C3orf49: variants seen among roughly 807,000 people sequenced by gnomAD.
C3orf49 encodes the protein chromosome 3 open reading frame 49, also known as putative uncharacterized protein C3orf49.
In C3orf49, 27 loss-of-function variants were observed where a neutral mutation model predicts 13.3. That is an observed-to-expected ratio of 2.02 (90% confidence interval 1.49 to 2.79). The LOEUF (loss-of-function observed/expected upper bound fraction) is 2.79, where lower values mean the gene tolerates loss of function less well. C3orf49 is among the 30% of genes most tolerant of loss of function. C3orf49 has a pLI of 0.00. For missense variants in C3orf49, 242 were observed against 134.2 expected, an observed-to-expected ratio of 1.80 and a Z score of -3.97; for synonymous variants, 87 against 47.6, an observed-to-expected ratio of 1.83 and a Z score of -3.40.
intron 5 of C3orf49, among the ~76,000 whole-genome samples, chr3:63,835,826 T>C (rs1450427441): frequency 6.6e-6 from 1 of 152,092 alleles, no homozygotes; most frequent in Non-Finnish European, 1.5e-5. Flanking sequence ...TCATTCTTAT[T>C]CTTTTTTATG....
At chr3:63,808,962 T>C in the C3orf49 span, among the ~76,000 whole-genome samples, 1 of 151,810 alleles carries the variant, frequency 6.6e-6, no homozygotes, top group African/African-American at 2.4e-5. Flanking sequence ...AAAATTAATG[T>C]GCTTTTTTTT....
the C3orf49 span, chr3:63,782,958 A>T: frequency 6.6e-6 from 1 of 152,222 alleles, no homozygotes; most frequent in South Asian, 2.1e-4. Flanking sequence ...CAGTTAGATG[A>T]CTAATGGGAT....
chr3:63,782,807 A>G, the C3orf49 span: 1 of 152,222 alleles, frequency 6.6e-6, no homozygotes, highest in Non-Finnish European at 1.5e-5. Flanking sequence ...AATCCTTAGC[A>G]TGTTATAGCA....
At chr3:63,835,401 T>C in intron 5 of C3orf49, 1 of 1,612,536 alleles carries the variant, frequency 6.2e-7, no homozygotes, top group Middle Eastern at 1.7e-4. Flanking sequence ...CTGGAAATAA[T>C]AAAACAGTGT....
intron 5 of C3orf49, among the ~76,000 whole-genome samples, chr3:63,840,582 G>A (rs1276992251): frequency 2.0e-5 from 3 of 152,114 alleles, no homozygotes; most frequent in South Asian, 2.1e-4. Context: ...GCAACAAAGC[G>A]AGATGCTGTC....
the C3orf49 span, among the ~76,000 whole-genome samples, chr3:63,799,530 C>A: frequency 6.6e-6 from 1 of 152,118 alleles, no homozygotes; most frequent in South Asian, 2.1e-4. Flanking sequence ...TATTTTCTAT[C>A]AATTCATTAG....
At chr3:63,816,281 A>C (rs1701323726), upstream of C3orf49, among the ~76,000 whole-genome samples, 2 of 151,824 alleles carry the variant, frequency 1.3e-5, no homozygotes, top group African/African-American at 4.8e-5. Flanking sequence ...ACTGAATTCC[A>C]TTTCCCTGAA....
At chr3:63,838,047 C>T in intron 5 of C3orf49, 5 of 1,607,712 alleles carry the variant, frequency 3.1e-6, no homozygotes, top group Non-Finnish European at 4.2e-6. Flanking sequence ...TTCATGTGCT[C>T]CAGCTATGCT....
At chr3:63,816,977 C>T (rs1188079181), upstream of C3orf49, among the ~76,000 whole-genome samples, 5 of 151,770 alleles carry the variant, frequency 3.3e-5, no homozygotes, top group African/African-American at 7.3e-5. Flanking sequence ...GGTTTCACCA[C>T]GTTAGGCAGG....
the C3orf49 span, among the ~76,000 whole-genome samples, chr3:63,796,861 C>T: frequency 4.6e-3 from 701 of 152,134 alleles, 4 homozygotes; most frequent in African/African-American, 0.016. Flanking sequence ...CAAGTTTCTG[C>T]GCCATATAAT....
the C3orf49 span, among the ~76,000 whole-genome samples, chr3:63,794,363 AC>A: frequency 1.3e-5 from 2 of 148,868 alleles, no homozygotes; most frequent in East Asian, 4.0e-4. Context: ...GTTGTCACTA[AC>A]TCCTGCATTA....
chr3:63,841,499 G>A (rs986159316), intron 5 of C3orf49, among the ~76,000 whole-genome samples: 1 of 152,182 alleles, frequency 6.6e-6, no homozygotes, highest in African/African-American at 2.4e-5. Context: ...CCTGTGTGTA[G>A]GCAGAAGTAT....
chr3:63,822,124 C>T (rs930307198), intron 1 of C3orf49, among the ~76,000 whole-genome samples: 7 of 151,992 alleles, frequency 4.6e-5, no homozygotes, highest in Admixed American at 1.3e-4. Context: ...TACAGGCGCC[C>T]GCCACCACGC....
Position 63,819,576 on chromosome 3 carries a change from C to A in C3orf49, c.105C>A (p.Phe35Leu), listed in dbSNP as rs896606508. 2.8e-6 allele frequency: 2 copies of A among 703,328 alleles called. No homozygotes were observed. The highest frequency in any genetic ancestry group is 3.5e-5 in the African/African-American group (2 of 57,348). 43.6% of individuals were successfully genotyped at this position (703,328 alleles called of 1,614,324 possible). ...FQQLKKKNGS[F>L]KRKGIERWHR... Reference sequence around the variant, plus strand: ...AACTCAAGAAGAAAAATGGCTCATTCAAAAGGAAGGGGATAGAAAGGTAAC... The same window carrying A: ...AACTCAAGAAGAAAAATGGCTCATTAAAAAGGAAGGGGATAGAAAGGTAAC... The change falls in exon 1 of 7, where the codon TTC (phenylalanine) becomes TTA (leucine). Residue 35 changes from phenylalanine (F) to leucine (L), a missense_variant. Physicochemically the swap from Phe to Leu is conservative, Grantham distance 22. Transcript: ENST00000295896.
upstream of C3orf49, among the ~76,000 whole-genome samples, chr3:63,817,851 C>T (rs1017060914): frequency 6.6e-6 from 1 of 152,084 alleles, no homozygotes; most frequent in Non-Finnish European, 1.5e-5. Flanking sequence ...GCTGTCTTTC[C>T]TAGCATAAAA....
the C3orf49 span, among the ~76,000 whole-genome samples, chr3:63,794,172 T>TACACACACACACAC: frequency 3.7e-3 from 535 of 142,688 alleles, 3 homozygotes; most frequent in African/African-American, 0.012. Context: ...TACACACACA[T>TACACACACACACAC]ACACACACAC....
intron 3 of C3orf49, among the ~76,000 whole-genome samples, chr3:63,829,093 C>G (rs1278854755): frequency 6.6e-6 from 1 of 152,240 alleles, no homozygotes; most frequent in Non-Finnish European, 1.5e-5. Context: ...GAAAGTTCCA[C>G]TGAACAGTGC....
chr3:63,816,769 C>CTTTTTTTTTTTTTTTTTT (rs543894356), upstream of C3orf49, among the ~76,000 whole-genome samples: 3 of 97,170 alleles, frequency 3.1e-5, no homozygotes, highest in African/African-American at 4.6e-5. Context: ...CTTTTCTTTT[C>CTTTTTTTTTTTTTTTTTT]TTTTTTTTTT....
At chr3:63,790,178 A>T in the C3orf49 span, among the ~76,000 whole-genome samples, 1 of 152,224 alleles carries the variant, frequency 6.6e-6, no homozygotes, top group Admixed American at 6.5e-5. Context: ...TCAATAAGAG[A>T]GGGTATGCAA....
Sources: gnomAD v4.1 joint callset for allele counts (sites outside exome capture counted in the v4.1 genomes callset) on GRCh38, gnomAD v4.1.1 for gene constraint, MANE v1.5 for transcripts, NCBI Gene and HGNC (gene_info 2026-07-23, HGNC 2026-07-21) for gene names.